The following DAP variants were observed in gnomAD, a reference collection of about 807,000 sequenced individuals.
DAP encodes death-associated protein 1.
DAP carries 8 observed loss-of-function variants against 13.8 expected under a neutral mutation model. The observed-to-expected ratio is 0.58, with a 90% CI of 0.34 to 1.05. DAP has a LOEUF of 1.05. DAP is among the 50% of genes least tolerant of loss of function. DAP has a pLI of 0.03. For synonymous variants in DAP, 47 were observed against 47.5 expected (o/e 0.99, Z 0.04); for missense variants, 106 against 133.2 (o/e 0.80, Z 1.01).
At chr5:10,759,627 T>G (rs1740286801) in intron 1 of DAP, among the ~76,000 whole-genome samples, 1 of 152,112 alleles carries the variant, frequency 6.6e-6, no homozygotes, top group Non-Finnish European at 1.5e-5. Context: ...CCGTCACCAC[T>G]GAAAAATATT....
chr5:10,741,651 G>A (rs924232249), intron 2 of DAP, among the ~76,000 whole-genome samples: 1 of 152,214 alleles, frequency 6.6e-6, no homozygotes, highest in African/African-American at 2.4e-5. Context: ...TATAAAGGGC[G>A]AGATAATAAG....
chr5:10,718,757 C>A (rs756596723), intron 2 of DAP, among the ~76,000 whole-genome samples: 5 of 152,226 alleles, frequency 3.3e-5, no homozygotes, highest in African/African-American at 4.8e-5. Context: ...TTGGCAAATG[C>A]CTTTTTCTCC....
chr5:10,722,899 G>A (rs1318699675), intron 2 of DAP, among the ~76,000 whole-genome samples: 2 of 152,114 alleles, frequency 1.3e-5, no homozygotes, highest in African/African-American at 4.8e-5. Flanking sequence ...GGAGCCCACA[G>A]AACCGAATAT....
At chr5:10,732,392 C>G (rs1739488141) in intron 2 of DAP, among the ~76,000 whole-genome samples, 2 of 152,224 alleles carry the variant, frequency 1.3e-5, no homozygotes, top group Non-Finnish European at 2.9e-5. Flanking sequence ...CATCTGCTGC[C>G]TGTGTCTATG....
intron 2 of DAP, among the ~76,000 whole-genome samples, chr5:10,735,454 C>T (rs1739583537): frequency 6.6e-6 from 1 of 152,190 alleles, no homozygotes. Flanking sequence ...AGTACCAAGT[C>T]ACTAGAAATA....
In DAP at chr5:10,683,582, A is replaced by G. The variant is rs1045453780; in HGVS notation, c.153-11T>C. 4 of 1,613,576 alleles carry G rather than the reference A, an allele frequency of 2.5e-6. No homozygotes were observed. Among genetic ancestry groups the G allele is most frequent in the South Asian group, 1.1e-5 (1 of 91,070 alleles). On this transcript the variant is annotated splice_polypyrimidine_tract_variant and intron_variant, in intron 2 of 3. Transcript: ENST00000230895. ...GTGGGTTTAGGTGGACTGGAAAAAA[A>G]GAAGGGAAAAGGCAGATTTAACAAA...
At chr5:10,734,493 C>T (rs1374544108) in intron 2 of DAP, among the ~76,000 whole-genome samples, 4 of 152,174 alleles carry the variant, frequency 2.6e-5, no homozygotes, top group African/African-American at 7.2e-5. Flanking sequence ...TATGCTGTGC[C>T]GCTCTGTGGC....
intron 2 of DAP, among the ~76,000 whole-genome samples, chr5:10,727,553 T>A (rs953347788): frequency 6.6e-6 from 1 of 151,948 alleles, no homozygotes; most frequent in Non-Finnish European, 1.5e-5. Context: ...AGGGTTTAGA[T>A]GGGGGGGACT....
intron 2 of DAP, among the ~76,000 whole-genome samples, chr5:10,718,344 G>T (rs976538772): frequency 6.6e-6 from 1 of 152,186 alleles, no homozygotes; most frequent in African/African-American, 2.4e-5. Flanking sequence ...GTGCCAGGCT[G>T]CATAATTGGC....
At chr5:10,686,511 G>GGA (rs1362194558) in intron 2 of DAP, among the ~76,000 whole-genome samples, 1 of 152,180 alleles carries the variant, frequency 6.6e-6, no homozygotes, top group African/African-American at 2.4e-5. Flanking sequence ...TGAGTGACAA[G>GGA]GAAGTAAAAG....
intron 2 of DAP, among the ~76,000 whole-genome samples, chr5:10,695,422 G>A (rs771490708): frequency 5.9e-5 from 9 of 152,352 alleles, no homozygotes; most frequent in South Asian, 2.1e-4. Context: ...CTTCAGTGTC[G>A]TAAACACAAT....
At chr5:10,713,043 A>C (rs1738891847) in intron 2 of DAP, among the ~76,000 whole-genome samples, 1 of 126,262 alleles carries the variant, frequency 7.9e-6, no homozygotes, top group Admixed American at 7.7e-5. Flanking sequence ...CCAGCCGACC[A>C]ACCAGCCAAC....
At chr5:10,731,163 A>G (rs1197368312) in intron 2 of DAP, among the ~76,000 whole-genome samples, 3 of 61,016 alleles carry the variant, frequency 4.9e-5, no homozygotes, top group South Asian at 7.1e-4. Context: ...TGAGAGCCCT[A>G]GTGAGGGGGA....
chr5:10,752,220 T>C (rs957762354), intron 1 of DAP, among the ~76,000 whole-genome samples: 5 of 152,322 alleles, frequency 3.3e-5, no homozygotes, highest in African/African-American at 1.2e-4. Context: ...TTAATTTAGT[T>C]TCTAAAAACA....
chr5:10,733,172 G>C (rs1287489941), intron 2 of DAP, among the ~76,000 whole-genome samples: 1 of 91,336 alleles, frequency 1.1e-5, no homozygotes, highest in Non-Finnish European at 2.5e-5. Flanking sequence ...GTGTGTGTGT[G>C]TGTGTGTGTG....
intron 2 of DAP, among the ~76,000 whole-genome samples, chr5:10,710,489 T>G (rs1738819992): frequency 6.6e-6 from 1 of 152,180 alleles, no homozygotes; most frequent in South Asian, 2.1e-4. Context: ...CAGAAGCCTT[T>G]CATGGGGCTT....
At chr5:10,692,365 G>T (rs1434794337) in intron 2 of DAP, among the ~76,000 whole-genome samples, 1 of 152,178 alleles carries the variant, frequency 6.6e-6, no homozygotes, top group Non-Finnish European at 1.5e-5. Flanking sequence ...TGGACAGGAG[G>T]TTCCCTACCA....
rs3836780 is a variant in DAP at position 10,708,442 on chromosome 5, G to GACAC, written c.153-24875_153-24872dup. ...CAGGCATACACATATACACATATCA[G>GACAC]ACACACACACACACACACACACGCA... is the stretch of plus-strand genomic sequence containing the variant. On this transcript the variant is annotated intron_variant, in intron 2 of 3. Transcript: ENST00000230895. Among the ~76,000 whole-genome samples the GACAC allele has an allele frequency of 4.1e-3, 603 of 147,816 alleles. 6 individuals carry two copies. Among genetic ancestry groups the GACAC allele is most frequent in the African/African-American group, 0.014 (561 of 40,188 alleles).
intron 2 of DAP, among the ~76,000 whole-genome samples, chr5:10,702,116 G>A (rs929058925): frequency 7.2e-5 from 11 of 152,248 alleles, no homozygotes; most frequent in African/African-American, 2.2e-4. Context: ...GCTTCTGCAC[G>A]CATGGCTCCC....
Sources: gnomAD v4.1 joint callset for allele counts (sites outside exome capture counted in the v4.1 genomes callset) on GRCh38, gnomAD v4.1.1 for gene constraint, MANE v1.5 for transcripts, NCBI Gene and HGNC (gene_info 2026-07-23, HGNC 2026-07-21) for gene names.